KLF12: variants seen among roughly 807,000 people sequenced by gnomAD.
The protein encoded by KLF12 is KLF transcription factor 12, also known as Krueppel-like factor 12.
A neutral mutation model predicts 37.8 loss-of-function variants in KLF12; 9 were observed. The ratio of observed to expected loss-of-function variants is 0.24; its 90% CI spans 0.14 to 0.42. The LOEUF (loss-of-function observed/expected upper bound fraction) is 0.42, where lower values mean the gene tolerates loss of function less well. Ranked by LOEUF, KLF12 falls within the 10% of genes least tolerant of loss-of-function variation. The probability of loss-of-function intolerance (pLI) is 1.00; values close to 1 mark genes in which losing one functional copy is unlikely to be tolerated. For synonymous variants in KLF12, 208 were observed against 202.1 expected (o/e 1.03, Z -0.25); for missense variants, 411 against 516.0 (o/e 0.80, Z 1.97).
the KLF12 span, among the ~76,000 whole-genome samples, chr13:74,234,997 T>C: frequency 6.6e-6 from 1 of 152,134 alleles, no homozygotes; most frequent in Non-Finnish European, 1.5e-5. Flanking sequence ...GTGTATATAT[T>C]TTTATCTTAA....
chr13:74,181,083 C>T, the KLF12 span, among the ~76,000 whole-genome samples: 3 of 151,996 alleles, frequency 2.0e-5, no homozygotes, highest in Non-Finnish European at 4.4e-5. Context: ...ACTGCAACCT[C>T]CCTCTCCCAG....
At chr13:74,164,883 A>G in the KLF12 span, among the ~76,000 whole-genome samples, 1 of 152,206 alleles carries the variant, frequency 6.6e-6, no homozygotes, top group Non-Finnish European at 1.5e-5. Flanking sequence ...GGAGATAGAG[A>G]GTAGAATGAT....
At chr13:73,816,077 A>G (rs902984411) in intron 4 of KLF12, among the ~76,000 whole-genome samples, 8 of 152,330 alleles carry the variant, frequency 5.3e-5, no homozygotes, top group South Asian at 2.1e-4. Flanking sequence ...CCATACCTTC[A>G]GCCAAGCTGA....
Position 74,083,481 on chromosome 13 carries a change from T to TGGGCGATA in KLF12, c.-32+50250_-32+50257dup, listed in dbSNP as rs201621848. Among the ~76,000 whole-genome samples, 1,362 of 143,994 alleles carry TGGGCGATA rather than the reference T, an allele frequency of 9.5e-3. 22 individuals are homozygous for TGGGCGATA. Among genetic ancestry groups the TGGGCGATA allele is most frequent in the African/African-American group, 0.034 (1,275 of 37,492 alleles). The allele number at this position is 143,994 out of a possible 152,430, so 94.5% of individuals were successfully genotyped here. On this transcript the variant is annotated intron_variant, in intron 1 of 7. Coordinates refer to ENST00000377669, the MANE Select transcript of KLF12 (RefSeq NM_007249.5). Reference sequence around the variant, plus strand: ...GTGATTGTGCCATTGCACTCCAGCCTGGGCGATAGGAGACACACACACACA... The same window carrying TGGGCGATA: ...GTGATTGTGCCATTGCACTCCAGCCTGGGCGATAGGGCGATAGGAGACACACACACACA...
At chr13:74,159,680 G>T in the KLF12 span, among the ~76,000 whole-genome samples, 1 of 152,130 alleles carries the variant, frequency 6.6e-6, no homozygotes, top group Non-Finnish European at 1.5e-5. Context: ...TTGCAAGATA[G>T]TCTCTGCTCT....
chr13:74,004,479 T>A (rs1448079884), intron 1 of KLF12, among the ~76,000 whole-genome samples: 1 of 152,166 alleles, frequency 6.6e-6, no homozygotes, highest in Non-Finnish European at 1.5e-5. Context: ...TTGGCTCCAG[T>A]CTTCATGATT....
intron 6 of KLF12, among the ~76,000 whole-genome samples, chr13:73,721,769 T>C (rs1227823089): frequency 1.3e-5 from 2 of 151,008 alleles, no homozygotes; most frequent in Non-Finnish European, 3.0e-5. Flanking sequence ...TCCTAGCCTG[T>C]CTTGAACTCC....
the KLF12 span, among the ~76,000 whole-genome samples, chr13:74,280,777 C>T: frequency 5.3e-5 from 8 of 151,654 alleles, no homozygotes; most frequent in Non-Finnish European, 7.4e-5. Flanking sequence ...TAACAGATGA[C>T]GAACTGTATG....
chr13:73,750,104 A>T (rs1594045492), intron 6 of KLF12, among the ~76,000 whole-genome samples: 2 of 152,206 alleles, frequency 1.3e-5, no homozygotes, highest in African/African-American at 4.8e-5. Flanking sequence ...TAACAACGAT[A>T]AACAGAGAAA....
chr13:74,059,514 G>A (rs1011053261), intron 1 of KLF12, among the ~76,000 whole-genome samples: 21 of 152,142 alleles, frequency 1.4e-4, no homozygotes, highest in African/African-American at 4.8e-4. Flanking sequence ...TCTCATTGTG[G>A]TTTTGATTTG....
chr13:73,956,584 C>A (rs1343590544), intron 2 of KLF12, among the ~76,000 whole-genome samples: 1 of 152,134 alleles, frequency 6.6e-6, no homozygotes, highest in Admixed American at 6.6e-5. Context: ...CATTTCAGAA[C>A]CACTGTTTTA....
At chr13:74,256,556 G>A in the KLF12 span, among the ~76,000 whole-genome samples, 121 of 152,304 alleles carry the variant, frequency 7.9e-4, no homozygotes, top group Non-Finnish European at 1.4e-3. Context: ...GTGGGATAAT[G>A]AGCCCTTCAA....
chr13:74,136,110 G>A (rs889520108), upstream of KLF12, among the ~76,000 whole-genome samples: 1 of 152,236 alleles, frequency 6.6e-6, no homozygotes, highest in East Asian at 1.9e-4. Context: ...TGGTCTTGAG[G>A]TTTCGAAGAG....
chr13:74,199,004 G>A, the KLF12 span, among the ~76,000 whole-genome samples: 2 of 152,176 alleles, frequency 1.3e-5, no homozygotes, highest in East Asian at 1.9e-4. Flanking sequence ...ATACTCACAA[G>A]CTCACAGTGC....
chr13:73,845,719 C>T (rs2138684412), intron 4 of KLF12, 108 bp downstream of exon 4: 1 of 1,001,796 alleles, frequency 1.0e-6, no homozygotes, highest in South Asian at 1.6e-5. Context: ...TTGCTCTACA[C>T]AGAACTTCTT....
At chr13:73,826,961 T>C (rs1174338819) in intron 4 of KLF12, among the ~76,000 whole-genome samples, 2 of 152,112 alleles carry the variant, frequency 1.3e-5, no homozygotes, top group African/African-American at 4.8e-5. Context: ...TTTGTATTTT[T>C]TGTACAGATG....
intron 1 of KLF12, among the ~76,000 whole-genome samples, chr13:74,053,748 T>C (rs563040659): frequency 2.2e-4 from 34 of 152,316 alleles, no homozygotes; most frequent in African/African-American, 7.7e-4. Context: ...GCATGAATAT[T>C]CTTGGACTAG....
intron 6 of KLF12, among the ~76,000 whole-genome samples, chr13:73,757,165 A>T (rs1342242660): frequency 6.6e-6 from 1 of 152,148 alleles, no homozygotes; most frequent in Non-Finnish European, 1.5e-5. Flanking sequence ...TCATCTGATA[A>T]AAGGGACTAA....
At chr13:73,825,080 A>C (rs573287859) in intron 4 of KLF12, among the ~76,000 whole-genome samples, 124 of 148,078 alleles carry the variant, frequency 8.4e-4, no homozygotes, top group African/African-American at 2.9e-3. Flanking sequence ...AAAAAAAAAA[A>C]CAATAGAAAT....
Sources: gnomAD v4.1 joint callset for allele counts (sites outside exome capture counted in the v4.1 genomes callset) on GRCh38, gnomAD v4.1.1 for gene constraint, MANE v1.5 for transcripts, NCBI Gene and HGNC (gene_info 2026-07-23, HGNC 2026-07-21) for gene names.